The following MAF variants were observed in gnomAD, a reference collection of about 807,000 sequenced individuals.
MAF encodes MAF bZIP transcription factor.
In MAF, 10 loss-of-function variants were observed where a neutral mutation model predicts 22.0. The observed-to-expected ratio is 0.45, with a 90% CI of 0.28 to 0.77. MAF has a LOEUF of 0.77. Ranked by LOEUF, MAF falls within the 30% of genes least tolerant of loss-of-function variation. The pLI is 0.12. For synonymous variants in MAF, 337 were observed against 255.8 expected (o/e 1.32, Z -3.03); for missense variants, 544 against 548.4 (o/e 0.99, Z 0.08).
chr16:79,467,680 G>A, the MAF span, among the ~76,000 whole-genome samples: 6 of 152,122 alleles, frequency 3.9e-5, no homozygotes, highest in Non-Finnish European at 5.9e-5. Flanking sequence ...CCTGGACCTC[G>A]TGAATCGGAA....
chr16:79,599,171 G>T lies in MAF; in HGVS notation c.732C>A (p.Gly244=), dbSNP rs1168587498. ...CGGCGGCGTGGTGCGGGTGCAGGGC[G>T]CCCCCCGCCCCCGCCGCGCCCCCGC... ...GGGGGAAGAG[G]ALHPHHAAGG... The change falls in exon 1 of 2, where the codon GGC becomes GGA. Residue 244 remains glycine, a synonymous_variant. Transcript: ENST00000326043. 1 of 1,222,980 alleles carries T rather than the reference G, an allele frequency of 8.2e-7. No homozygotes were observed. The highest frequency in any genetic ancestry group is 1.0e-6 in the Non-Finnish European group (1 of 978,174). The allele number at this position is 1,222,980 out of a possible 1,614,324, so 75.8% of individuals were successfully genotyped here.
the MAF span, among the ~76,000 whole-genome samples, chr16:79,522,034 T>C: frequency 6.6e-6 from 1 of 151,926 alleles, no homozygotes; most frequent in East Asian, 1.9e-4. Context: ...AAGAAAGAGG[T>C]GTCAGCTCAG....
At chr16:79,471,464 G>A in the MAF span, among the ~76,000 whole-genome samples, 3 of 152,138 alleles carry the variant, frequency 2.0e-5, no homozygotes, top group African/African-American at 7.2e-5. Flanking sequence ...TACAGCTCAG[G>A]CTGGGCAACA....
chr16:79,584,394 G>T (rs1912716301), downstream of MAF, among the ~76,000 whole-genome samples: 1 of 152,290 alleles, frequency 6.6e-6, no homozygotes, highest in East Asian at 1.9e-4. Flanking sequence ...TCAAGGAATT[G>T]TCCTTCTCCT....
chr16:79,233,206 C>T, the MAF span, among the ~76,000 whole-genome samples: 16 of 151,970 alleles, frequency 1.1e-4, no homozygotes, highest in Non-Finnish European at 1.6e-4. Context: ...TCTTGACTAA[C>T]TCATGGGAAT....
the MAF span, among the ~76,000 whole-genome samples, chr16:79,526,302 G>A: frequency 6.6e-6 from 1 of 152,168 alleles, no homozygotes; most frequent in Non-Finnish European, 1.5e-5. Flanking sequence ...CTCATAAGGA[G>A]ACCACAACCT....
the MAF span, chr16:79,204,164 A>G: frequency 1.3e-5 from 2 of 152,138 alleles, no homozygotes; most frequent in African/African-American, 4.8e-5. Flanking sequence ...TTTCATCCCT[A>G]TTCATAAAGA....
At chr16:79,347,598 G>A in the MAF span, among the ~76,000 whole-genome samples, 1 of 152,214 alleles carries the variant, frequency 6.6e-6, no homozygotes, top group African/African-American at 2.4e-5. Context: ...GGGAACAAAA[G>A]CGGCAGGGGA....
chr16:79,544,879 A>G, the MAF span, among the ~76,000 whole-genome samples: 3 of 152,180 alleles, frequency 2.0e-5, no homozygotes, highest in Non-Finnish European at 2.9e-5. Context: ...GGTAAAACTG[A>G]AATCACAGAA....
chr16:79,369,050 A>G, the MAF span, among the ~76,000 whole-genome samples: 1 of 152,236 alleles, frequency 6.6e-6, no homozygotes, highest in South Asian at 2.1e-4. Context: ...CTCTTAGAAC[A>G]GTGTTGGACA....
chr16:79,446,276 C>G, the MAF span, among the ~76,000 whole-genome samples: 1 of 152,158 alleles, frequency 6.6e-6, no homozygotes, highest in African/African-American at 2.4e-5. Flanking sequence ...GTTCTAAGAT[C>G]AGTACCACCA....
In MAF at chr16:79,599,933, G is replaced by T; in HGVS notation, c.-31C>A. 7.5e-7 allele frequency: 1 copy of T among 1,335,716 alleles called. No individual in the cohort carries two copies. Among genetic ancestry groups the T allele is most frequent in the Non-Finnish European group, 1.0e-6 (1 of 959,200 alleles). 82.7% of individuals were successfully genotyped at this position (1,335,716 alleles called of 1,614,324 possible). On this transcript the variant is annotated 5_prime_UTR_variant, in exon 1 of 2. Transcript: ENST00000326043. ...TGCCGCCGCCGCCGCCGCCGCCGCC[G>T]CTCCGCCAGATGGGCTGCAGGAGAG...
chr16:79,332,102 A>G, the MAF span, among the ~76,000 whole-genome samples: 1 of 151,980 alleles, frequency 6.6e-6, no homozygotes, highest in African/African-American at 2.4e-5. Context: ...CTCGATAAAC[A>G]TGTGTAGAAT....
chr16:79,550,320 T>C, the MAF span, among the ~76,000 whole-genome samples: 2 of 149,322 alleles, frequency 1.3e-5, no homozygotes, highest in Non-Finnish European at 3.0e-5. Context: ...CACCCCTGCA[T>C]AAAGCTTAGG....
the MAF span, among the ~76,000 whole-genome samples, chr16:79,299,289 C>T: frequency 6.1e-5 from 9 of 148,244 alleles, no homozygotes; most frequent in South Asian, 8.5e-4. Context: ...GCTCTGCAAA[C>T]GCATTGTCTG....
At chr16:79,501,281 G>C in the MAF span, among the ~76,000 whole-genome samples, 5 of 152,152 alleles carry the variant, frequency 3.3e-5, no homozygotes, top group African/African-American at 1.2e-4. Flanking sequence ...CTGTCTTTGT[G>C]TTTGCTCCTC....
chr16:79,538,925 G>A, the MAF span, among the ~76,000 whole-genome samples: 1 of 151,024 alleles, frequency 6.6e-6, no homozygotes, highest in Non-Finnish European at 1.5e-5. Context: ...AATCACCCAG[G>A]AAAATACAAA....
At chr16:79,498,167 G>A in the MAF span, among the ~76,000 whole-genome samples, 20 of 152,312 alleles carry the variant, frequency 1.3e-4, no homozygotes, top group Non-Finnish European at 2.6e-4. Context: ...CTTAGCTCCA[G>A]TACTTGGGCA....
At chr16:79,438,677 G>C in the MAF span, among the ~76,000 whole-genome samples, 1 of 152,164 alleles carries the variant, frequency 6.6e-6, no homozygotes, top group Non-Finnish European at 1.5e-5. Flanking sequence ...CAGCGAGGTC[G>C]TGCAGAGTCT....
Sources: gnomAD v4.1 joint callset for allele counts (sites outside exome capture counted in the v4.1 genomes callset) on GRCh38, gnomAD v4.1.1 for gene constraint, MANE v1.5 for transcripts, NCBI Gene and HGNC (gene_info 2026-07-23, HGNC 2026-07-21) for gene names.